ADGRB3: variants seen among roughly 807,000 people sequenced by gnomAD.
The protein encoded by ADGRB3 is adhesion G protein-coupled receptor B3.
In ADGRB3, 37 loss-of-function variants were observed where a neutral mutation model predicts 193.4. The ratio of observed to expected loss-of-function variants is 0.19; its 90% CI spans 0.15 to 0.25. ADGRB3 has a LOEUF of 0.25. Among genes scored for constraint, ADGRB3 ranks in the 10% least tolerant of loss-of-function variants. The pLI, the probability that ADGRB3 is intolerant of heterozygous loss-of-function variation, is 1.00. For missense variants in ADGRB3, 1,637 were observed against 1,852.9 expected (o/e 0.88, Z 2.14); for synonymous variants, 690 against 644.2 (o/e 1.07, Z -1.08).
chr6:68,778,926 T>C (rs909305721), intron 3 of ADGRB3, among the ~76,000 whole-genome samples: 7 of 151,714 alleles, frequency 4.6e-5, no homozygotes, highest in African/African-American at 7.3e-5. Context: ...TGGTCACAAA[T>C]GAAGATGAGC....
intron 10 of ADGRB3, among the ~76,000 whole-genome samples, chr6:68,991,909 CA>C (rs1769249889): frequency 6.6e-6 from 1 of 152,108 alleles, no homozygotes; most frequent in African/African-American, 2.4e-5. Context: ...TAATAAGCTG[CA>C]AAGTTGAAAC....
chr6:68,861,369 T>A (rs1010646206), intron 3 of ADGRB3, among the ~76,000 whole-genome samples: 3 of 151,982 alleles, frequency 2.0e-5, no homozygotes, highest in African/African-American at 7.2e-5. Flanking sequence ...GTCAGGAGAC[T>A]GAGACCACGG....
intron 8 of ADGRB3, among the ~76,000 whole-genome samples, chr6:68,972,835 T>A (rs1266167068): frequency 6.6e-6 from 1 of 151,228 alleles, no homozygotes; most frequent in East Asian, 2.0e-4. Context: ...GGTGGAGGAG[T>A]GTTGGAGAAT....
intron 17 of ADGRB3, among the ~76,000 whole-genome samples, chr6:69,153,768 C>T (rs2343262): frequency 0.58 from 87,752 of 151,944 alleles, 26,586 homozygotes; most frequent in East Asian, 1. Flanking sequence ...CCAAGGCGGG[C>T]GGATCACGAG....
intron 3 of ADGRB3, among the ~76,000 whole-genome samples, chr6:68,712,771 G>A (rs17256679): frequency 0.02 from 3,081 of 151,952 alleles, 33 homozygotes; most frequent in Non-Finnish European, 0.03. Context: ...CTGTTGTTGG[G>A]AATACTCACT....
At chr6:68,783,903 TCGTG>T (rs1164628040) in intron 3 of ADGRB3, among the ~76,000 whole-genome samples, 2 of 152,018 alleles carry the variant, frequency 1.3e-5, no homozygotes, top group Non-Finnish European at 2.9e-5. Flanking sequence ...AATGTTACCT[TCGTG>T]TAGTAGATGT....
intron 3 of ADGRB3, among the ~76,000 whole-genome samples, chr6:68,759,787 A>C (rs1209424804): frequency 6.6e-6 from 1 of 152,108 alleles, no homozygotes; most frequent in Non-Finnish European, 1.5e-5. Flanking sequence ...AAAAACAAGA[A>C]AGAAACTAAG....
intron 3 of ADGRB3, among the ~76,000 whole-genome samples, chr6:68,800,078 G>A (rs1767282974): frequency 6.6e-6 from 1 of 152,108 alleles, no homozygotes; most frequent in Admixed American, 6.5e-5. Context: ...TACCCAGAGA[G>A]ACTTGAAAAA....
intron 4 of ADGRB3, among the ~76,000 whole-genome samples, chr6:68,932,105 A>G (rs1172458549): frequency 6.6e-6 from 1 of 152,130 alleles, no homozygotes; most frequent in African/African-American, 2.4e-5. Context: ...GTCAAGGCAC[A>G]CGGGCATGGG....
chr6:68,643,255 G>T (rs1039471088), intron 3 of ADGRB3, among the ~76,000 whole-genome samples: 8 of 152,102 alleles, frequency 5.3e-5, no homozygotes, highest in Non-Finnish European at 1.2e-4. Context: ...CCATAGGCCT[G>T]TGTAGACTTT....
chr6:69,161,387 G>T (rs1774982252), intron 17 of ADGRB3, among the ~76,000 whole-genome samples: 1 of 151,970 alleles, frequency 6.6e-6, no homozygotes, highest in Non-Finnish European at 1.5e-5. Context: ...CCATAGAAAG[G>T]ACCTTATAGG....
At chr6:68,992,767 C>T (rs1236029517) in intron 10 of ADGRB3, among the ~76,000 whole-genome samples, 1 of 152,038 alleles carries the variant, frequency 6.6e-6, no homozygotes, top group Non-Finnish European at 1.5e-5. Context: ...AAAATTTATA[C>T]TTTTTTGATT....
chr6:69,239,460 T>A (rs949712395), intron 20 of ADGRB3, among the ~76,000 whole-genome samples: 1 of 152,052 alleles, frequency 6.6e-6, no homozygotes, highest in Non-Finnish European at 1.5e-5. Context: ...TAAAAATGTA[T>A]GTTTATTAAA....
intron 17 of ADGRB3, among the ~76,000 whole-genome samples, chr6:69,135,690 C>T (rs1774130733): frequency 6.6e-6 from 1 of 152,028 alleles, no homozygotes; most frequent in South Asian, 2.1e-4. Flanking sequence ...AATTTCAACT[C>T]TTAACTTGGA....
At chr6:69,234,961 T>A (rs1766227776) in intron 18 of ADGRB3, 71 bp from the exon 19 acceptor site, 1 of 1,226,372 alleles carries the variant, frequency 8.2e-7, no homozygotes, top group Non-Finnish European at 1.2e-6. Flanking sequence ...AGGTTAGCTT[T>A]GCTGAGTCTA....
chr6:69,186,238 C>T (rs948784903), intron 17 of ADGRB3, among the ~76,000 whole-genome samples: 2 of 146,868 alleles, frequency 1.4e-5, no homozygotes, highest in African/African-American at 2.5e-5. Context: ...ATGAATTAAA[C>T]TTTCTATGTT....
chr6:69,064,214 T>A (rs1269685715), intron 16 of ADGRB3, among the ~76,000 whole-genome samples: 3 of 152,012 alleles, frequency 2.0e-5, no homozygotes, highest in Non-Finnish European at 2.9e-5. Flanking sequence ...CCTGGATTAT[T>A]TAATAAAAAT....
At position 68,974,851 on chromosome 6, in the gene ADGRB3, C is replaced by T. The variant is rs1442823859; in HGVS notation, c.1614C>T (p.Pro538=). 6.2e-7 allele frequency: 1 copy of T among 1,613,560 alleles called. No individual in the cohort carries two copies. The highest frequency in any genetic ancestry group is 1.7e-5 in the Admixed American group (1 of 59,998). The part of the protein sequence containing the change: ...PAGDLAFNQC[P]LNATGTTSRR... The stretch of plus-strand genomic sequence containing the variant: ...GCGACTTGGCATTCAATCAATGTCC[C>T]CTGAATGCCACAGGTACAGTAGGAT... Residue 538 remains proline (P), a synonymous_variant, in exon 9 of 32, where the codon CCC becomes CCT. Transcript: ENST00000370598.
intron 8 of ADGRB3, among the ~76,000 whole-genome samples, chr6:68,962,574 A>G (rs1768265649): frequency 6.6e-6 from 1 of 152,196 alleles, no homozygotes; most frequent in Non-Finnish European, 1.5e-5. Context: ...AGAAATATTT[A>G]GCAACATGCT....
Sources: allele counts gnomAD v4.1 joint callset (sites outside exome capture counted in the v4.1 genomes callset), GRCh38; gene constraint gnomAD v4.1.1; transcripts MANE v1.5; gene names NCBI Gene and HGNC (gene_info 2026-07-23, HGNC 2026-07-21).